WDR70: variants seen among roughly 807,000 people sequenced by gnomAD.
The protein encoded by WDR70 is WD repeat domain 70.
A neutral mutation model predicts 88.6 loss-of-function variants in WDR70; 53 were observed. That is an observed-to-expected ratio of 0.60 (90% confidence interval 0.48 to 0.75). The LOEUF is 0.75. WDR70 is among the 30% of genes least tolerant of loss of function. The pLI is 0.00. For missense variants in WDR70, 610 were observed against 823.2 expected (o/e 0.74, Z 3.17); for synonymous variants, 280 against 270.0 (o/e 1.04, Z -0.36).
intron 7 of WDR70, among the ~76,000 whole-genome samples, chr5:37,466,735 A>T (rs796896591): frequency 0.068 from 8,951 of 131,950 alleles, 391 homozygotes; most frequent in African/African-American, 0.12. Context: ...AAAAAAAAAA[A>T]ATTTAAGTTC....
chr5:37,581,884 C>G (rs1743226275), intron 9 of WDR70, among the ~76,000 whole-genome samples: 1 of 152,094 alleles, frequency 6.6e-6, no homozygotes, highest in East Asian at 1.9e-4. Flanking sequence ...CTTTGACTGG[C>G]TGCTGAATAT....
intron 9 of WDR70, among the ~76,000 whole-genome samples, chr5:37,557,905 T>C (rs1312797548): frequency 7.6e-6 from 1 of 131,666 alleles, no homozygotes; most frequent in Non-Finnish European, 1.7e-5. Flanking sequence ...AGATTTATAC[T>C]CTTTTGAAAA....
At chr5:37,656,958 A>G (rs1228529098) in intron 10 of WDR70, among the ~76,000 whole-genome samples, 1 of 152,182 alleles carries the variant, frequency 6.6e-6, no homozygotes, top group African/African-American at 2.4e-5. Context: ...CTGCTGAGCT[A>G]GACCACTTTG....
At position 37,655,669 on chromosome 5, in the gene WDR70, G is replaced by A. The variant is rs1053289861; in HGVS notation, c.1093-41986G>A. Reference sequence around the variant, plus strand: ...CTTTTTTCTCTAATCTTGTTTTCACGCTTTATTTCATTAAGTTGATTTTCA... The same window carrying A: ...CTTTTTTCTCTAATCTTGTTTTCACACTTTATTTCATTAAGTTGATTTTCA... On this transcript the variant is annotated intron_variant, in intron 10 of 17. Transcript: ENST00000265107. 2.6e-5 allele frequency among the ~76,000 whole-genome samples: 4 copies of A among 151,318 alleles called. No homozygotes were observed. In the South Asian group the frequency reaches 6.3e-4, roughly 24 times the overall value.
At chr5:37,415,959 C>T (rs969597475) in intron 5 of WDR70, among the ~76,000 whole-genome samples, 3 of 151,740 alleles carry the variant, frequency 2.0e-5, no homozygotes, top group African/African-American at 4.8e-5. Flanking sequence ...GGCTGGCGGC[C>T]GGGAAGAGGC....
At chr5:37,509,756 C>T (rs1740662734) in intron 8 of WDR70, among the ~76,000 whole-genome samples, 1 of 150,790 alleles carries the variant, frequency 6.6e-6, no homozygotes, top group East Asian at 1.9e-4. Context: ...CGTTTTTCAA[C>T]AGGCTTTTCT....
chr5:37,610,185 GA>G (rs1312211340), intron 10 of WDR70, among the ~76,000 whole-genome samples: 1 of 150,172 alleles, frequency 6.7e-6, no homozygotes, highest in Non-Finnish European at 1.5e-5. Context: ...AGAATTGCTT[GA>G]ATCTGGGAGG....
At chr5:37,654,805 T>C (rs1483377393) in intron 10 of WDR70, among the ~76,000 whole-genome samples, 1 of 152,200 alleles carries the variant, frequency 6.6e-6, no homozygotes, top group African/African-American at 2.4e-5. Flanking sequence ...GCTTGGTAAA[T>C]ATTTCTCCAT....
chr5:37,600,025 T>C (rs1743822194), intron 9 of WDR70, among the ~76,000 whole-genome samples: 1 of 152,020 alleles, frequency 6.6e-6, no homozygotes, highest in African/African-American at 2.4e-5. Flanking sequence ...TAACCTTGGA[T>C]TAGGCAGTGA....
At chr5:37,524,915 A>C (rs1005834892) in intron 9 of WDR70, among the ~76,000 whole-genome samples, 3 of 152,250 alleles carry the variant, frequency 2.0e-5, no homozygotes, top group Non-Finnish European at 2.9e-5. Flanking sequence ...GATCAATTCA[A>C]CAAGGAGAGC....
At chr5:37,491,010 G>T (rs931238640) in intron 8 of WDR70, among the ~76,000 whole-genome samples, 6 of 152,142 alleles carry the variant, frequency 3.9e-5, no homozygotes, top group Non-Finnish European at 8.8e-5. Flanking sequence ...TGCTGCAGGT[G>T]CTTGGGTTTC....
chr5:37,711,119 A>C (rs954892390), intron 13 of WDR70, among the ~76,000 whole-genome samples: 6 of 152,146 alleles, frequency 3.9e-5, no homozygotes, highest in Non-Finnish European at 7.4e-5. Flanking sequence ...CTTCTAAGTT[A>C]GCTGCACATT....
chr5:37,390,496 C>A (rs547784458), intron 3 of WDR70, among the ~76,000 whole-genome samples: 2 of 151,820 alleles, frequency 1.3e-5, no homozygotes, highest in African/African-American at 2.4e-5. Flanking sequence ...CCGGCCACTA[C>A]GCCTGGCTAA....
chr5:37,581,791 C>G lies in WDR70; in HGVS notation c.918-23273C>G, dbSNP rs555213913. ...CTAGTGCACAAAACTATACACAGATCTAGAGGTGGACAGCAGAGAGGCAAA... is the reference window on the plus strand; with the variant it reads ...CTAGTGCACAAAACTATACACAGATGTAGAGGTGGACAGCAGAGAGGCAAA... On this transcript the variant is annotated intron_variant, in intron 9 of 17. Coordinates refer to ENST00000265107, the MANE Select transcript of WDR70 (RefSeq NM_018034.4). Among the ~76,000 whole-genome samples, 8 of 152,270 alleles carry G rather than the reference C, an allele frequency of 5.3e-5. No homozygotes were observed. In the Middle Eastern group the frequency reaches 0.01, roughly 194 times the overall value.
chr5:37,633,329 C>G (rs1421979285), intron 10 of WDR70, among the ~76,000 whole-genome samples: 2 of 151,974 alleles, frequency 1.3e-5, no homozygotes, highest in Non-Finnish European at 2.9e-5. Context: ...AATAATATGT[C>G]AAGCCCATGT....
chr5:37,497,763 A>G (rs1286139577), intron 8 of WDR70, among the ~76,000 whole-genome samples: 1 of 151,998 alleles, frequency 6.6e-6, no homozygotes, highest in Non-Finnish European at 1.5e-5. Flanking sequence ...CTTTGGATTT[A>G]AATCATTTTA....
intron 9 of WDR70, among the ~76,000 whole-genome samples, chr5:37,599,291 A>G (rs1045290676): frequency 3.3e-5 from 5 of 152,246 alleles, no homozygotes; most frequent in Non-Finnish European, 7.3e-5. Context: ...ACATGTACAC[A>G]GTAATTGCAC....
At chr5:37,682,909 G>T (rs1026502872) in intron 10 of WDR70, among the ~76,000 whole-genome samples, 1 of 151,454 alleles carries the variant, frequency 6.6e-6, no homozygotes, top group Non-Finnish European at 1.5e-5. Context: ...GTTTTGGGTG[G>T]AGAGTTCTGT....
At chr5:37,417,540 GT>G (rs35357658) in intron 5 of WDR70, among the ~76,000 whole-genome samples, 118,017 of 143,156 alleles carry the variant, frequency 0.82, 52,529 homozygotes, top group East Asian at 1. Flanking sequence ...CCCCACCGAC[GT>G]TTTTTTTTTT....
Sources: gnomAD v4.1 joint callset for allele counts (sites outside exome capture counted in the v4.1 genomes callset) on GRCh38, gnomAD v4.1.1 for gene constraint, MANE v1.5 for transcripts, NCBI Gene and HGNC (gene_info 2026-07-23, HGNC 2026-07-21) for gene names.